The following VSTM4 variants were observed in gnomAD, a reference collection of about 807,000 sequenced individuals.
VSTM4 encodes the protein V-set and transmembrane domain-containing protein 4.
VSTM4 carries 20 observed loss-of-function variants against 36.4 expected under a neutral mutation model. The ratio of observed to expected loss-of-function variants is 0.55; its 90% CI spans 0.39 to 0.80. The LOEUF (loss-of-function observed/expected upper bound fraction) is 0.80. Among genes scored for constraint, VSTM4 ranks in the 30% least tolerant of loss-of-function variants. The probability of loss-of-function intolerance (pLI) is 0.00; values close to 1 mark genes in which losing one functional copy is unlikely to be tolerated. For synonymous variants in VSTM4, 182 were observed against 173.9 expected (o/e 1.05, Z -0.37); for missense variants, 392 against 404.5 (o/e 0.97, Z 0.26).
intron 4 of VSTM4, among the ~76,000 whole-genome samples, chr10:49,068,877 A>G (rs1590103552): frequency 6.6e-6 from 1 of 152,180 alleles, no homozygotes; most frequent in Non-Finnish European, 1.5e-5. Flanking sequence ...CCTAGAAGCA[A>G]CCGTCCTGCA....
At chr10:49,036,800 G>A (rs942771910) in intron 7 of VSTM4, among the ~76,000 whole-genome samples, 3 of 152,226 alleles carry the variant, frequency 2.0e-5, no homozygotes, top group Non-Finnish European at 4.4e-5. Context: ...TCAGCCCTGG[G>A]CTGGCCACAC....
chr10:49,058,045 A>C (rs1291359984), intron 5 of VSTM4, among the ~76,000 whole-genome samples: 2 of 152,198 alleles, frequency 1.3e-5, no homozygotes, highest in Non-Finnish European at 2.9e-5. Flanking sequence ...AGATGCCTCT[A>C]ATGAGAGGCC....
intron 3 of VSTM4, among the ~76,000 whole-genome samples, chr10:49,081,797 C>A (rs1035903714): frequency 6.6e-6 from 1 of 152,208 alleles, no homozygotes; most frequent in South Asian, 2.1e-4. Flanking sequence ...CACACAAGAC[C>A]GGTCATGGCC....
At chr10:49,065,815 G>A (rs980568280) in intron 4 of VSTM4, among the ~76,000 whole-genome samples, 3 of 152,144 alleles carry the variant, frequency 2.0e-5, no homozygotes, top group Non-Finnish European at 4.4e-5. Flanking sequence ...GATCTGTTAC[G>A]CAGCTTCCAA....
chr10:49,035,807 G>A (rs1843421167), intron 7 of VSTM4, among the ~76,000 whole-genome samples: 1 of 151,982 alleles, frequency 6.6e-6, no homozygotes, highest in African/African-American at 2.4e-5. Flanking sequence ...TTGCACTCCA[G>A]CCTGGGCAAT....
At chr10:49,040,522 G>T (rs532267090) in intron 7 of VSTM4, among the ~76,000 whole-genome samples, 1 of 152,230 alleles carries the variant, frequency 6.6e-6, no homozygotes, top group Admixed American at 6.5e-5. Context: ...CTGACTTCAG[G>T]TGATCAGCCT....
chr10:49,083,870 T>C (rs368274490), intron 3 of VSTM4, among the ~76,000 whole-genome samples: 3 of 152,356 alleles, frequency 2.0e-5, no homozygotes, highest in East Asian at 3.8e-4. Context: ...AGGAATCACC[T>C]GTGGCCCTGA....
Position 49,077,268 on chromosome 10 carries a change from G to A in VSTM4, c.585C>T (p.Phe195=), listed in dbSNP as rs1051222083. 3 of 1,614,096 alleles carry A rather than the reference G, an allele frequency of 1.9e-6. No individual in the cohort carries two copies. In the African/African-American group the frequency reaches 4.0e-5, roughly 22 times the overall value. ...CCVGILSILL[F]MLVIVWQSVF... ...CAGACTGCCAGACGATGACCAGCATGAAGAGCAGAATGCTGAGGATCCCCA... is the reference window on the plus strand; with the variant it reads ...CAGACTGCCAGACGATGACCAGCATAAAGAGCAGAATGCTGAGGATCCCCA... The change falls in exon 4 of 8, where the codon TTC becomes TTT. Residue 195 remains phenylalanine, a synonymous_variant. Transcript: ENST00000332853.
chr10:49,022,600 G>A (rs1843199127), intron 7 of VSTM4, among the ~76,000 whole-genome samples: 1 of 152,088 alleles, frequency 6.6e-6, no homozygotes, highest in South Asian at 2.1e-4. Flanking sequence ...CTTGCCTTTT[G>A]ACACCAAAAG....
chr10:49,041,973 C>T (rs1364877437), intron 7 of VSTM4, among the ~76,000 whole-genome samples: 2 of 152,072 alleles, frequency 1.3e-5, no homozygotes, highest in Non-Finnish European at 2.9e-5. Context: ...TTAGAGAGAA[C>T]ATAAGGTGGG....
chr10:49,028,104 C>G (rs1320943550), intron 7 of VSTM4, among the ~76,000 whole-genome samples: 1 of 152,140 alleles, frequency 6.6e-6, no homozygotes, highest in Admixed American at 6.5e-5. Context: ...AGCCATTGTT[C>G]TAGGTGTCAG....
chr10:49,042,382 C>T (rs1057070730), intron 7 of VSTM4, among the ~76,000 whole-genome samples: 2 of 152,136 alleles, frequency 1.3e-5, no homozygotes, highest in African/African-American at 4.8e-5. Flanking sequence ...CTGCTAGAAC[C>T]CACAGTTCAC....
intron 7 of VSTM4, among the ~76,000 whole-genome samples, chr10:49,044,353 A>G (rs1039948697): frequency 6.6e-6 from 1 of 151,776 alleles, no homozygotes; most frequent in African/African-American, 2.4e-5. Flanking sequence ...AAGAAAAGAA[A>G]AGAAAATTAA....
chr10:49,106,986 C>T (rs1042853352), intron 2 of VSTM4, among the ~76,000 whole-genome samples: 10 of 152,212 alleles, frequency 6.6e-5, no homozygotes, highest in African/African-American at 2.4e-4. Flanking sequence ...CCCCCATCTC[C>T]CCATCTCTGT....
intron 2 of VSTM4, among the ~76,000 whole-genome samples, chr10:49,101,985 GTGTT>G (rs572063431): frequency 0.019 from 1,989 of 104,582 alleles, 54 homozygotes; most frequent in African/African-American, 0.063. Flanking sequence ...GTGTGTGTGT[GTGTT>G]TGTGTGTGTG....
chr10:49,056,606 G>C (rs1171586483), intron 5 of VSTM4, among the ~76,000 whole-genome samples: 1 of 152,202 alleles, frequency 6.6e-6, no homozygotes, highest in Non-Finnish European at 1.5e-5. Flanking sequence ...GAGCCTGCCT[G>C]GCCTGGGTTC....
intron 2 of VSTM4, among the ~76,000 whole-genome samples, chr10:49,101,882 A>G (rs1844671595): frequency 1.3e-5 from 2 of 152,218 alleles, no homozygotes; most frequent in Admixed American, 6.5e-5. Flanking sequence ...TTATCTCACT[A>G]TATAATACCA....
intron 5 of VSTM4, among the ~76,000 whole-genome samples, chr10:49,054,868 C>A (rs566641960): frequency 3.3e-5 from 5 of 152,150 alleles, no homozygotes; most frequent in African/African-American, 1.2e-4. Context: ...GGAGGTGCAG[C>A]GAACTGTGTG....
At chr10:49,029,940 C>T (rs1471694980) in intron 7 of VSTM4, among the ~76,000 whole-genome samples, 1 of 152,174 alleles carries the variant, frequency 6.6e-6, no homozygotes, top group African/African-American at 2.4e-5. Flanking sequence ...AAGAAAGAAT[C>T]TCACTGGAAC....
Sources: allele counts gnomAD v4.1 joint callset (sites outside exome capture counted in the v4.1 genomes callset), GRCh38; gene constraint gnomAD v4.1.1; transcripts MANE v1.5; gene names NCBI Gene and HGNC (gene_info 2026-07-23, HGNC 2026-07-21).